The following DPP10 variants were observed in gnomAD, a reference collection of about 807,000 sequenced individuals.
DPP10 encodes the protein inactive dipeptidyl peptidase 10.
A neutral mutation model predicts 120.9 loss-of-function variants in DPP10; 33 were observed. That is an observed-to-expected ratio of 0.27 (90% confidence interval 0.21 to 0.37). DPP10 has a LOEUF of 0.37. DPP10 is among the 10% of genes least tolerant of loss of function. The probability of loss-of-function intolerance (pLI) is 1.00; values close to 1 mark genes in which losing one functional copy is unlikely to be tolerated. For synonymous variants in DPP10, 337 were observed against 326.1 expected (o/e 1.03, Z -0.36); for missense variants, 816 against 942.8 (o/e 0.87, Z 1.76).
rs142559482 is a variant in DPP10, at chr2:115,064,576, C to T, written c.61-244663C>T. On this transcript the variant is annotated intron_variant, in intron 1 of 25. Transcript: ENST00000410059. ...GCCCCACCACCCACCCCTACACACACATATTTCGGTTGGACATAGGTGGGC... is the reference window on the plus strand; with the variant it reads ...GCCCCACCACCCACCCCTACACACATATATTTCGGTTGGACATAGGTGGGC... The T allele has an allele frequency of 2.0e-5, 23 of 1,133,236 alleles. No homozygotes were observed. The East Asian group carries it at 1.2e-3, about 59-fold the overall frequency. 70.2% of individuals were successfully genotyped at this position (1,133,236 alleles called of 1,614,324 possible).
intron 1 of DPP10, among the ~76,000 whole-genome samples, chr2:115,208,578 T>C (rs929144592): frequency 2.6e-5 from 4 of 152,194 alleles, no homozygotes; most frequent in Non-Finnish European, 5.9e-5. Flanking sequence ...CTTTTTATTA[T>C]TTACCAGTCT....
chr2:115,539,631 A>G (rs887566177), intron 5 of DPP10, among the ~76,000 whole-genome samples: 2 of 151,980 alleles, frequency 1.3e-5, no homozygotes, highest in Non-Finnish European at 2.9e-5. Flanking sequence ...TGACTTTCCA[A>G]CTAATATGTC....
intron 3 of DPP10, among the ~76,000 whole-genome samples, chr2:115,476,260 G>A (rs2075069522): frequency 6.6e-6 from 1 of 152,090 alleles, no homozygotes; most frequent in Non-Finnish European, 1.5e-5. Context: ...GTTCTCATGA[G>A]ATCTGATGTT....
At chr2:115,282,387 A>C (rs999569718) in intron 1 of DPP10, among the ~76,000 whole-genome samples, 2 of 152,036 alleles carry the variant, frequency 1.3e-5, no homozygotes, top group African/African-American at 2.4e-5. Flanking sequence ...TTACATATAA[A>C]ATTTGATTAG....
At chr2:115,279,323 A>C (rs1451101529) in intron 1 of DPP10, among the ~76,000 whole-genome samples, 2 of 152,140 alleles carry the variant, frequency 1.3e-5, no homozygotes, top group Non-Finnish European at 1.5e-5. Flanking sequence ...ACATTTTACT[A>C]TGTGGAATGG....
At chr2:114,491,004 T>C (rs74846923) in intron 1 of DPP10, among the ~76,000 whole-genome samples, 1,708 of 152,292 alleles carry the variant, frequency 0.011, 29 homozygotes, top group African/African-American at 0.039. Flanking sequence ...AAAGTATTCA[T>C]TGAGTGCCCA....
intron 1 of DPP10, among the ~76,000 whole-genome samples, chr2:114,738,846 G>A (rs1008071893): frequency 1.3e-5 from 2 of 152,092 alleles, no homozygotes; most frequent in Non-Finnish European, 2.9e-5. Flanking sequence ...GAATCCTTCC[G>A]CAATTCTATT....
intron 1 of DPP10, among the ~76,000 whole-genome samples, chr2:115,194,236 T>A (rs1422851490): frequency 1.3e-5 from 2 of 152,152 alleles, no homozygotes; most frequent in African/African-American, 4.8e-5. Flanking sequence ...TGTTGTTTTT[T>A]TTTTTGAGAC....
chr2:114,863,152 G>A (rs1409820888), intron 1 of DPP10, among the ~76,000 whole-genome samples: 2 of 152,128 alleles, frequency 1.3e-5, no homozygotes, highest in African/African-American at 4.8e-5. Flanking sequence ...AGTTCTCAGT[G>A]CTCTATGTGT....
At chr2:115,806,481 A>T (rs1685986396) in intron 19 of DPP10, among the ~76,000 whole-genome samples, 1 of 152,200 alleles carries the variant, frequency 6.6e-6, no homozygotes, top group South Asian at 2.1e-4. Flanking sequence ...ATATAACCAC[A>T]CTTTCCAGTT....
At chr2:114,663,668 T>TATATATATAGAGAGAGAGAGAGAGAG in intron 1 of DPP10, among the ~76,000 whole-genome samples, 15 of 80,694 alleles carry the variant, frequency 1.9e-4, no homozygotes, top group African/African-American at 1.3e-3. Flanking sequence ...TATATATATA[T>TATATATATAGAGAGAGAGAGAGAGAG]AGAGAGAGAG....
chr2:115,750,317 A>T, intron 10 of DPP10: 1 of 511,666 alleles, frequency 2.0e-6, no homozygotes, highest in Non-Finnish European at 2.5e-6. Flanking sequence ...AAGAAAGGAT[A>T]TAGGAAGTGA....
intron 5 of DPP10, among the ~76,000 whole-genome samples, chr2:115,674,390 T>C (rs775446532): frequency 1.3e-5 from 2 of 152,132 alleles, no homozygotes; most frequent in East Asian, 3.9e-4. Flanking sequence ...ATGATGTTTT[T>C]TTTTTTTTAA....
intron 1 of DPP10, among the ~76,000 whole-genome samples, chr2:115,237,994 T>C (rs568000954): frequency 1.3e-5 from 2 of 152,316 alleles, no homozygotes; most frequent in Non-Finnish European, 2.9e-5. Flanking sequence ...TCTGAGATCA[T>C]TGCTGAAGTT....
chr2:114,573,196 C>T (rs1392710035), intron 1 of DPP10, among the ~76,000 whole-genome samples: 3 of 152,174 alleles, frequency 2.0e-5, no homozygotes, highest in Non-Finnish European at 4.4e-5. Flanking sequence ...GTTGTCCAGG[C>T]TGGTCTTGAA....
intron 1 of DPP10, among the ~76,000 whole-genome samples, chr2:115,007,862 G>A (rs1054893341): frequency 1.8e-4 from 27 of 150,104 alleles, no homozygotes; most frequent in Admixed American, 4.0e-4. Flanking sequence ...TAGGAATCCA[G>A]CTTACAAGGG....
chr2:115,407,044 C>T (rs765778115), intron 3 of DPP10, among the ~76,000 whole-genome samples: 16 of 152,220 alleles, frequency 1.1e-4, no homozygotes, highest in Admixed American at 2.6e-4. Flanking sequence ...GTCAGCAAAG[C>T]GAGAGGGGTT....
chr2:115,219,464 A>G (rs1387426225), intron 1 of DPP10, among the ~76,000 whole-genome samples: 1 of 152,112 alleles, frequency 6.6e-6, no homozygotes, highest in African/African-American at 2.4e-5. Context: ...ACAAATACAT[A>G]TGTATACACC....
At position 115,560,666 on chromosome 2, in the gene DPP10, G is replaced by A. The variant is rs2080589722; in HGVS notation, c.441+34694G>A. On this transcript the variant is annotated intron_variant, in intron 5 of 25. Coordinates refer to ENST00000410059, the MANE Select transcript of DPP10 (RefSeq NM_020868.6). Reference sequence around the variant, plus strand: ...GTCTCCTTCTCTTGCCCAGGCTGGAGTGCAGTGGCACTATCATGGCTCACA... The same window carrying A: ...GTCTCCTTCTCTTGCCCAGGCTGGAATGCAGTGGCACTATCATGGCTCACA... Among the ~76,000 whole-genome samples the A allele has an allele frequency of 2.0e-5, 3 of 151,120 alleles. 1 individual carries two copies. Among genetic ancestry groups the A allele is most frequent in the African/African-American group, 7.3e-5 (3 of 41,104 alleles).
Sources: allele counts gnomAD v4.1 joint callset (sites outside exome capture counted in the v4.1 genomes callset), GRCh38; gene constraint gnomAD v4.1.1; transcripts MANE v1.5; gene names NCBI Gene and HGNC (gene_info 2026-07-23, HGNC 2026-07-21).